CCZ1B: variants seen among roughly 807,000 people sequenced by gnomAD.
CCZ1B encodes the protein vacuolar fusion protein CCZ1 homolog B.
A neutral mutation model predicts 58.8 loss-of-function variants in CCZ1B; 25 were observed. That is an observed-to-expected ratio of 0.43 (90% confidence interval 0.31 to 0.59). CCZ1B has a LOEUF of 0.59. CCZ1B is among the 20% of genes least tolerant of loss of function. CCZ1B has a pLI of 0.12. For missense variants in CCZ1B, 180 were observed against 501.5 expected, an observed-to-expected ratio of 0.36 and a Z score of 6.12; for synonymous variants, 66 against 173.2, an observed-to-expected ratio of 0.38 and a Z score of 4.86.
chr7:6,824,201 A>C (rs751136541), intron 3 of CCZ1B, 35 bp from the exon 4 acceptor site: 2 of 1,454,348 alleles, frequency 1.4e-6, no homozygotes, highest in South Asian at 1.3e-5. Context: ...TATACAATGA[A>C]TTCATTAGAC....
chr7:6,808,408 A>ACAC (rs1455929678), intron 10 of CCZ1B, among the ~76,000 whole-genome samples: 1,824 of 121,382 alleles, frequency 0.015, 22 homozygotes, highest in African/African-American at 0.051. Context: ...ACAAAAAACA[A>ACAC]AACAAAAACC....
At chr7:6,808,701 TC>T (rs767268306) in intron 10 of CCZ1B, among the ~76,000 whole-genome samples, 363 of 151,762 alleles carry the variant, frequency 2.4e-3, no homozygotes, top group Non-Finnish European at 4.0e-3. Flanking sequence ...AGTGTCATCG[TC>T]CAATTATGAT....
chr7:6,824,976 T>C lies in CCZ1B; in HGVS notation c.121-239A>G, dbSNP rs953465813. The stretch of plus-strand genomic sequence containing the variant: ...GCAACACAGTGAGACGTCTCTATTA[T>C]TTAAAATAAGAAGAAGAACAGGAAT... On this transcript the variant is annotated intron_variant, in intron 1 of 14. Coordinates refer to ENST00000316731, the MANE Select transcript of CCZ1B (RefSeq NM_198097.5). Among the ~76,000 whole-genome samples the C allele has an allele frequency of 1.3e-5, 2 of 149,366 alleles. 1 individual carries two copies. Among genetic ancestry groups the C allele is most frequent in the African/African-American group, 5.1e-5 (2 of 39,532 alleles).
intron 12 of CCZ1B, among the ~76,000 whole-genome samples, chr7:6,801,997 C>A (rs149686079): frequency 0.018 from 2,004 of 111,862 alleles, 382 homozygotes; most frequent in African/African-American, 0.062. Flanking sequence ...CTACATATAG[C>A]CCGTGACATC....
At chr7:6,816,511 TAAGTA>T (rs1783002164) in intron 7 of CCZ1B, among the ~76,000 whole-genome samples, 2 of 150,344 alleles carry the variant, frequency 1.3e-5, no homozygotes, top group Non-Finnish European at 2.9e-5. Flanking sequence ...AGCAATATAC[TAAGTA>T]AATACATAAG....
At chr7:6,813,598 G>C (rs572559182) in intron 8 of CCZ1B, among the ~76,000 whole-genome samples, 1 of 149,442 alleles carries the variant, frequency 6.7e-6, no homozygotes, top group South Asian at 2.1e-4. Context: ...ATGAACAAGC[G>C]AAGAGAGTGA....
At chr7:6,817,493 C>T (rs1783024364) in intron 7 of CCZ1B, among the ~76,000 whole-genome samples, 1 of 149,926 alleles carries the variant, frequency 6.7e-6, no homozygotes, top group Non-Finnish European at 1.5e-5. Context: ...CACACGACAT[C>T]TCCCTATCGC....
intron 1 of CCZ1B, among the ~76,000 whole-genome samples, 182 bp from the exon 2 acceptor site, chr7:6,824,919 C>G (rs1783170288): frequency 6.7e-6 from 1 of 148,830 alleles, no homozygotes; most frequent in African/African-American, 2.6e-5. Context: ...GCGGGAGGAT[C>G]ACTTGAGCTC....
chr7:6,813,405 A>G (rs1782947892), intron 8 of CCZ1B, among the ~76,000 whole-genome samples: 1 of 149,152 alleles, frequency 6.7e-6, no homozygotes, highest in Non-Finnish European at 1.5e-5. Context: ...GGGCAACATG[A>G]CGAGATCCCA....
At chr7:6,807,101 C>T (rs1451226821) in intron 10 of CCZ1B, 30 of 74,388 alleles carry the variant, frequency 4.0e-4, no homozygotes, top group African/African-American at 1.2e-3. Context: ...CCGAGGTGGG[C>T]GGATCACCTG....
At chr7:6,815,033 A>G (rs1262561790) in intron 7 of CCZ1B, among the ~76,000 whole-genome samples, 188 bp from the exon 8 acceptor site, 2 of 148,662 alleles carry the variant, frequency 1.3e-5, no homozygotes, top group African/African-American at 5.1e-5. Flanking sequence ...CCTGAGATCA[A>G]AATGAGTTTC....
In CCZ1B at chr7:6,801,154, C is replaced by A; in HGVS notation, c.1266-79G>T. ...GAGAATAAGCGTTCCAAACCAAGAA[C>A]AGGAAATGGAACGGGCGCACGTGGC... On this transcript the variant is annotated intron_variant, in intron 13 of 14. Transcript: ENST00000316731. 3 of 1,219,554 alleles carry A rather than the reference C, an allele frequency of 2.5e-6. 1 individual carries two copies. The highest frequency in any genetic ancestry group is 3.2e-6 in the Non-Finnish European group (3 of 941,616). 75.5% of individuals were successfully genotyped at this position (1,219,554 alleles called of 1,614,324 possible). A position where few individuals can be genotyped will look rare whatever the true frequency, so the allele number is the denominator to read the frequency against.
At chr7:6,819,524 G>A (rs1490690890) in intron 7 of CCZ1B, among the ~76,000 whole-genome samples, 3 of 149,164 alleles carry the variant, frequency 2.0e-5, no homozygotes, top group South Asian at 2.1e-4. Flanking sequence ...GTGAGCCACC[G>A]TGCCCAGCCT....
At chr7:6,810,000 C>A (rs1399193019) in intron 10 of CCZ1B, among the ~76,000 whole-genome samples, 14 of 150,150 alleles carry the variant, frequency 9.3e-5, no homozygotes, top group South Asian at 2.1e-4. Context: ...TGAGGCTTTT[C>A]ATGTTGAACG....
At chr7:6,813,177 A>G (rs1782945009) in intron 8 of CCZ1B, 140 bp from the exon 9 acceptor site, 1 of 1,472,732 alleles carries the variant, frequency 6.8e-7, no homozygotes, top group African/African-American at 1.5e-5. Flanking sequence ...TCTGTTGCCC[A>G]GGCTGGAATG....
intron 10 of CCZ1B, among the ~76,000 whole-genome samples, chr7:6,808,408 AAAC>A (rs1296410272): frequency 1.6e-5 from 2 of 122,452 alleles, no homozygotes; most frequent in African/African-American, 6.1e-5. Context: ...ACAAAAAACA[AAAC>A]AAAAACCCAA....
Position 6,812,994 on chromosome 7 carries a change from T to C in CCZ1B, c.824A>G (p.Asn275Ser), listed in dbSNP as rs2115117495. The C allele has an allele frequency of 6.3e-7, 1 of 1,583,000 alleles. No homozygotes were observed. The highest frequency in any genetic ancestry group is 8.6e-7 in the Non-Finnish European group (1 of 1,160,784). ...GTCCTACCTTCCATAGTGTTGAAGA[T>C]TTCCTGGCATTTCTGCTCTTATTGG... Reference protein sequence around the residue: ...DSPIRAEMPGNLQHYGRFLTG... With the variant: ...DSPIRAEMPGSLQHYGRFLTG... The change falls in exon 9 of 15, where the codon AAT (asparagine) becomes AGT (serine). Residue 275 changes from asparagine (N) to serine (S), a missense_variant. Transcript: ENST00000316731.
intron 7 of CCZ1B, among the ~76,000 whole-genome samples, chr7:6,815,450 A>C (rs1187268792): frequency 6.7e-6 from 1 of 149,146 alleles, no homozygotes; most frequent in Non-Finnish European, 1.5e-5. Flanking sequence ...TATGTGAGCC[A>C]CTGTGCCTGG....
intron 7 of CCZ1B, among the ~76,000 whole-genome samples, chr7:6,818,694 ACAAGAAAGAAAGAAAGAC>A (rs1783057059): frequency 5.0e-5 from 4 of 79,770 alleles, no homozygotes; most frequent in African/African-American, 1.7e-4. Context: ...AGAAAGAAAG[ACAAGAAAGAAAGAAAGAC>A]AAGAAAGAAA....
Sources: gnomAD v4.1 joint callset for allele counts (sites outside exome capture counted in the v4.1 genomes callset) on GRCh38, gnomAD v4.1.1 for gene constraint, MANE v1.5 for transcripts, NCBI Gene and HGNC (gene_info 2026-07-23, HGNC 2026-07-21) for gene names.